The following HSD17B12 variants were observed in gnomAD, a reference collection of about 807,000 sequenced individuals.
HSD17B12 encodes the protein very-long-chain 3-oxoacyl-CoA reductase.
HSD17B12 carries 32 observed loss-of-function variants against 39.3 expected under a neutral mutation model. The observed-to-expected ratio is 0.81, with a 90% CI of 0.61 to 1.09. The LOEUF is 1.09. HSD17B12 is among the 50% of genes least tolerant of loss of function. The pLI is 0.00. For missense variants in HSD17B12, 342 were observed against 382.9 expected, an observed-to-expected ratio of 0.89 and a Z score of 0.89; for synonymous variants, 150 against 146.7, an observed-to-expected ratio of 1.02 and a Z score of -0.16.
At chr11:43,579,570 G>T in the HSD17B12 span, 563 of 152,314 alleles carry the variant, frequency 3.7e-3, 8 homozygotes, top group East Asian at 0.033. Flanking sequence ...CGGCTCACTG[G>T]TAGTCGGTCG....
chr11:43,754,343 C>T lies in HSD17B12; in HGVS notation c.283+222C>T, dbSNP rs935635371. Among the ~76,000 whole-genome samples the T allele has an allele frequency of 1.9e-3, 289 of 152,116 alleles. 7 individuals carry two copies. The highest frequency in any genetic ancestry group is 2.5e-4 in the Non-Finnish European group (17 of 67,992). On this transcript the variant is annotated intron_variant, in intron 3 of 10. Coordinates refer to ENST00000278353, the MANE Select transcript of HSD17B12 (RefSeq NM_016142.3). ...ATCCCAGCACTTTGGGAGGCTGAGG[C>T]GGGTGGATTACCTGAGATCAGGAGT...
the HSD17B12 span, among the ~76,000 whole-genome samples, chr11:43,603,749 T>A: frequency 1.3e-5 from 2 of 152,236 alleles, no homozygotes; most frequent in Non-Finnish European, 2.9e-5. Flanking sequence ...ATACAATCTG[T>A]GCCCCAATTA....
the HSD17B12 span, among the ~76,000 whole-genome samples, chr11:43,618,683 C>G: frequency 6.6e-6 from 1 of 152,120 alleles, no homozygotes; most frequent in Non-Finnish European, 1.5e-5. Context: ...CAAAACAAGT[C>G]AGGGTATGCC....
chr11:43,839,109 T>A (rs1188981420), intron 8 of HSD17B12, among the ~76,000 whole-genome samples: 2 of 152,122 alleles, frequency 1.3e-5, no homozygotes, highest in African/African-American at 2.4e-5. Context: ...CACTTAGATG[T>A]TGAAATTAAG....
At chr11:43,796,573 G>C (rs1950918417) in intron 3 of HSD17B12, among the ~76,000 whole-genome samples, 1 of 152,152 alleles carries the variant, frequency 6.6e-6, no homozygotes, top group South Asian at 2.1e-4. Context: ...CTTCGTGAAA[G>C]TGTCATTGAA....
intron 1 of HSD17B12, among the ~76,000 whole-genome samples, chr11:43,732,941 G>C (rs941109302): frequency 1.3e-5 from 2 of 152,114 alleles, no homozygotes; most frequent in Non-Finnish European, 1.5e-5. Flanking sequence ...CTAGCCTCAG[G>C]TTGTTTAAAA....
At chr11:43,653,199 A>G in the HSD17B12 span, among the ~76,000 whole-genome samples, 4 of 152,160 alleles carry the variant, frequency 2.6e-5, no homozygotes, top group Admixed American at 2.6e-4. Flanking sequence ...AACAAGGGAT[A>G]TGGGAGTTAT....
Position 43,849,774 on chromosome 11 carries a change from T to C in HSD17B12, c.685-4941T>C, listed in dbSNP as rs1224811046. ...TTGTTTGTGGTCTATATCCTCCTAC[T>C]GAAATGTAAGCTCTGTAAGATTAGG... On this transcript the variant is annotated intron_variant, in intron 9 of 10. Coordinates refer to ENST00000278353, the MANE Select transcript of HSD17B12 (RefSeq NM_016142.3). Among the ~76,000 whole-genome samples, 3 of 152,216 alleles carry C rather than the reference T, an allele frequency of 2.0e-5. No homozygotes were observed. The East Asian group carries it at 5.8e-4, about 29-fold the overall frequency.
chr11:43,622,178 A>T, the HSD17B12 span, among the ~76,000 whole-genome samples: 1 of 152,214 alleles, frequency 6.6e-6, no homozygotes, highest in Non-Finnish European at 1.5e-5. Flanking sequence ...GGTAATATAG[A>T]GATGGATTAC....
chr11:43,614,178 T>C, the HSD17B12 span, among the ~76,000 whole-genome samples: 1 of 152,206 alleles, frequency 6.6e-6, no homozygotes, highest in Admixed American at 6.5e-5. Flanking sequence ...TTTCTTATAA[T>C]AGAGGGCTGC....
chr11:43,577,898 G>A, the HSD17B12 span, among the ~76,000 whole-genome samples: 1 of 152,318 alleles, frequency 6.6e-6, no homozygotes, highest in East Asian at 1.9e-4. Flanking sequence ...ATGTTATTGG[G>A]AATACCATCA....
At chr11:43,830,019 G>A (rs1951292213) in intron 6 of HSD17B12, 1 of 152,118 alleles carries the variant, frequency 6.6e-6, no homozygotes, top group Non-Finnish European at 1.5e-5. Flanking sequence ...TCACATAGCA[G>A]AATTTACCTT....
intron 6 of HSD17B12, among the ~76,000 whole-genome samples, chr11:43,817,637 A>C (rs548425546): frequency 6.6e-6 from 1 of 151,916 alleles, no homozygotes; most frequent in Non-Finnish European, 1.5e-5. Flanking sequence ...TGTTTGTTTT[A>C]TTGAAGATCA....
chr11:43,569,099 T>G, the HSD17B12 span, among the ~76,000 whole-genome samples: 3 of 151,902 alleles, frequency 2.0e-5, no homozygotes. Flanking sequence ...TACTGGGGAG[T>G]TGAGATATGG....
At chr11:43,815,293 G>A (rs913369190) in intron 4 of HSD17B12, 144 bp from the exon 5 acceptor site, 25 of 439,918 alleles carry the variant, frequency 5.7e-5, no homozygotes, top group Non-Finnish European at 8.5e-5. Flanking sequence ...GGACAGAAAG[G>A]TGTGGAAAAG....
intron 3 of HSD17B12, among the ~76,000 whole-genome samples, chr11:43,760,273 C>G (rs960247539): frequency 5.3e-5 from 8 of 152,282 alleles, no homozygotes; most frequent in Admixed American, 2.6e-4. Flanking sequence ...TGGTCTCCAG[C>G]TCCTGAGCTC....
chr11:43,779,144 T>G (rs1950740105), intron 3 of HSD17B12, among the ~76,000 whole-genome samples: 1 of 152,230 alleles, frequency 6.6e-6, no homozygotes, highest in African/African-American at 2.4e-5. Context: ...AGATAGAATT[T>G]ATCTTTTATC....
chr11:43,690,404 AT>A (rs1206545700), intron 1 of HSD17B12, among the ~76,000 whole-genome samples: 6 of 24,954 alleles, frequency 2.4e-4, no homozygotes, highest in South Asian at 1.5e-3. Context: ...ATATATATAT[AT>A]TTTTTTTTTT....
the HSD17B12 span, among the ~76,000 whole-genome samples, chr11:43,623,599 T>G: frequency 1.3e-5 from 2 of 152,114 alleles, no homozygotes; most frequent in South Asian, 2.1e-4. Context: ...CAGCAATGTA[T>G]TTTTAAAAGC....
Sources: gnomAD v4.1 joint callset for allele counts (sites outside exome capture counted in the v4.1 genomes callset) on GRCh38, gnomAD v4.1.1 for gene constraint, MANE v1.5 for transcripts, NCBI Gene and HGNC (gene_info 2026-07-23, HGNC 2026-07-21) for gene names.